The following LUZP2 variants were observed in gnomAD, a reference collection of about 807,000 sequenced individuals.
LUZP2 encodes the protein leucine zipper protein 2.
LUZP2 carries 52 observed loss-of-function variants against 51.6 expected under a neutral mutation model. The ratio of observed to expected loss-of-function variants is 1.01; its 90% CI spans 0.81 to 1.27. LUZP2 has a LOEUF of 1.27. LUZP2 is among the 50% of genes most tolerant of loss of function. The probability of loss-of-function intolerance (pLI) is 0.00; values close to 1 mark genes in which losing one functional copy is unlikely to be tolerated. For missense variants in LUZP2, 436 were observed against 395.4 expected (o/e 1.10, Z -0.87); for synonymous variants, 154 against 137.3 (o/e 1.12, Z -0.85).
intron 5 of LUZP2, among the ~76,000 whole-genome samples, chr11:24,832,337 A>G (rs1183918849): frequency 2.0e-5 from 3 of 151,856 alleles, no homozygotes; most frequent in Admixed American, 6.6e-5. Flanking sequence ...CAAGAAAAAA[A>G]TAAAATAAAA....
intron 1 of LUZP2, among the ~76,000 whole-genome samples, chr11:24,550,849 G>T (rs762618041): frequency 5.9e-5 from 9 of 152,044 alleles, no homozygotes; most frequent in Non-Finnish European, 1.2e-4. Flanking sequence ...CGAGGTGGGA[G>T]AATCACTTGA....
chr11:24,582,384 TAGAG>T (rs1565006046), intron 1 of LUZP2, among the ~76,000 whole-genome samples: 1 of 133,000 alleles, frequency 7.5e-6, no homozygotes, highest in African/African-American at 2.9e-5. Flanking sequence ...TAGAAATAAA[TAGAG>T]AGATGAATAG....
intron 7 of LUZP2, among the ~76,000 whole-genome samples, chr11:24,975,772 CT>C (rs1294967213): frequency 5.9e-5 from 9 of 151,886 alleles, no homozygotes; most frequent in Non-Finnish European, 8.8e-5. Flanking sequence ...GAAGGTACTG[CT>C]TTTTTATTCT....
At chr11:24,818,483 G>A (rs960522099) in intron 5 of LUZP2, among the ~76,000 whole-genome samples, 5 of 151,956 alleles carry the variant, frequency 3.3e-5, no homozygotes, top group Non-Finnish European at 5.9e-5. Context: ...TGTGAAGCAC[G>A]GCGGGGCTGC....
At chr11:24,633,271 C>T (rs750831929) in intron 1 of LUZP2, among the ~76,000 whole-genome samples, 4 of 151,940 alleles carry the variant, frequency 2.6e-5, no homozygotes, top group Non-Finnish European at 5.9e-5. Flanking sequence ...TGCCACAATG[C>T]TTTCAAGTAT....
chr11:24,809,191 A>G (rs571764048), intron 5 of LUZP2, among the ~76,000 whole-genome samples: 11 of 152,304 alleles, frequency 7.2e-5, no homozygotes, highest in African/African-American at 2.6e-4. Flanking sequence ...AAAATGTTTC[A>G]TATCACTTTG....
intron 9 of LUZP2, among the ~76,000 whole-genome samples, chr11:24,997,865 A>G (rs1856554831): frequency 6.6e-6 from 1 of 152,198 alleles, no homozygotes; most frequent in Non-Finnish European, 1.5e-5. Flanking sequence ...AGCACCACTT[A>G]TTAAATAGGG....
At chr11:25,000,357 G>C (rs1393852924) in intron 9 of LUZP2, among the ~76,000 whole-genome samples, 1 of 152,110 alleles carries the variant, frequency 6.6e-6, no homozygotes, top group Non-Finnish European at 1.5e-5. Flanking sequence ...GCTACTTCCT[G>C]CTGGATAGGG....
intron 5 of LUZP2, among the ~76,000 whole-genome samples, chr11:24,807,021 C>T (rs1485362059): frequency 3.1e-5 from 2 of 64,634 alleles, no homozygotes; most frequent in Non-Finnish European, 5.7e-5. Context: ...AAAGAAAATC[C>T]ACCAAAAAAA....
At chr11:24,866,029 G>A (rs532111277) in intron 5 of LUZP2, among the ~76,000 whole-genome samples, 8 of 151,086 alleles carry the variant, frequency 5.3e-5, no homozygotes, top group African/African-American at 1.2e-4. Flanking sequence ...GGTTGGTCTC[G>A]AACTCTTGAC....
intron 4 of LUZP2, among the ~76,000 whole-genome samples, chr11:24,742,878 G>C (rs192864861): frequency 6.6e-6 from 1 of 152,146 alleles, no homozygotes; most frequent in East Asian, 1.9e-4. Flanking sequence ...TGTATAAGGT[G>C]AGAGATGAAG....
intron 3 of LUZP2, among the ~76,000 whole-genome samples, chr11:24,737,435 A>G (rs985843719): frequency 6.6e-6 from 1 of 151,996 alleles, no homozygotes; most frequent in African/African-American, 2.4e-5. Context: ...ATTGCCACAC[A>G]TACAAACACA....
intron 5 of LUZP2, among the ~76,000 whole-genome samples, chr11:24,837,942 G>A (rs528906519): frequency 4.0e-5 from 6 of 151,740 alleles, no homozygotes; most frequent in South Asian, 2.1e-4. Flanking sequence ...TTCACAAATG[G>A]TTGCATGATT....
rs61439379 is a variant in LUZP2 at position 24,600,174 on chromosome 11, A to AACAC, written c.62+102910_62+102913dup. On this transcript the variant is annotated intron_variant, in intron 1 of 11. Coordinates refer to ENST00000336930, the MANE Select transcript of LUZP2 (RefSeq NM_001009909.4). ...CAAGAGGATATATAATGTAGATTAC[A>AACAC]ACACACACACACACACACACACACA... 1.9e-3 allele frequency among the ~76,000 whole-genome samples: 275 copies of AACAC among 144,266 alleles called. 1 individual carries two copies. The highest frequency in any genetic ancestry group is 6.7e-3 in the African/African-American group (259 of 38,904). 94.6% of individuals were successfully genotyped at this position (144,266 alleles called of 152,430 possible).
intron 1 of LUZP2, among the ~76,000 whole-genome samples, chr11:24,572,175 G>C (rs1852465562): frequency 1.3e-5 from 2 of 151,902 alleles, no homozygotes; most frequent in Admixed American, 6.6e-5. Context: ...TAAGCATATA[G>C]TAAGATTTAT....
Position 24,588,097 on chromosome 11 carries a change from A to C in LUZP2, c.62+90792A>C, listed in dbSNP as rs182478330. Among the ~76,000 whole-genome samples the C allele has an allele frequency of 7.2e-5, 11 of 152,268 alleles. No individual in the cohort carries two copies. In the South Asian group the frequency reaches 2.3e-3, roughly 32 times the overall value. On this transcript the variant is annotated intron_variant, in intron 1 of 11. Coordinates refer to ENST00000336930, the MANE Select transcript of LUZP2 (RefSeq NM_001009909.4). ...TTTTATTATTTTGGTATTTTTTAAT[A>C]AATCTATTTACATCTTTGTTCTTTC...
At chr11:24,756,978 G>A (rs558053656) in intron 4 of LUZP2, among the ~76,000 whole-genome samples, 103 of 152,236 alleles carry the variant, frequency 6.8e-4, no homozygotes, top group African/African-American at 2.3e-3. Context: ...ACATTTACTA[G>A]TTTATTATAA....
chr11:24,931,667 T>G (rs1442918795), intron 7 of LUZP2, among the ~76,000 whole-genome samples: 1 of 152,192 alleles, frequency 6.6e-6, no homozygotes, highest in Non-Finnish European at 1.5e-5. Flanking sequence ...TTTCTTTAAG[T>G]TGGTATTCAC....
At chr11:24,521,456 A>T (rs1020884598) in intron 1 of LUZP2, among the ~76,000 whole-genome samples, 1 of 151,780 alleles carries the variant, frequency 6.6e-6, no homozygotes, top group Non-Finnish European at 1.5e-5. Context: ...AAGAAGCAGG[A>T]CTCAGTCCCT....
Sources: gnomAD v4.1 joint callset for allele counts (sites outside exome capture counted in the v4.1 genomes callset) on GRCh38, gnomAD v4.1.1 for gene constraint, MANE v1.5 for transcripts, NCBI Gene and HGNC (gene_info 2026-07-23, HGNC 2026-07-21) for gene names.